Variants in MIS18A observed in about 807,000 individuals in gnomAD.
MIS18A encodes the protein MIS18 kinetochore protein A.
A neutral mutation model predicts 25.0 loss-of-function variants in MIS18A; 14 were observed. That is an observed-to-expected ratio of 0.56 (90% CI 0.37 to 0.88). The LOEUF (loss-of-function observed/expected upper bound fraction) is 0.88. Ranked by LOEUF, MIS18A falls within the 40% of genes least tolerant of loss-of-function variation. The probability of loss-of-function intolerance (pLI) is 0.00; values close to 1 mark genes in which losing one functional copy is unlikely to be tolerated. For synonymous variants in MIS18A, 134 were observed against 118.6 expected (o/e 1.13, Z -0.84); for missense variants, 292 against 290.8 (o/e 1.00, Z -0.03).
At chr21:32,161,009 G>T in the MIS18A span, among the ~76,000 whole-genome samples, 110 of 152,308 alleles carry the variant, frequency 7.2e-4, no homozygotes, top group African/African-American at 2.6e-3. Flanking sequence ...GAGCAGAGGG[G>T]TAATTTTAAA....
the MIS18A span, among the ~76,000 whole-genome samples, chr21:32,189,500 A>G: frequency 6.6e-6 from 1 of 152,124 alleles, no homozygotes. Context: ...GCTGGGCTCA[A>G]ATTCGTGGGT....
At chr21:32,260,224 T>G in the MIS18A span, 1 of 152,106 alleles carries the variant, frequency 6.6e-6, no homozygotes, top group Non-Finnish European at 1.5e-5. Flanking sequence ...CCCACAAAAC[T>G]AGAATACAAA....
chr21:32,164,301 G>T, the MIS18A span, among the ~76,000 whole-genome samples: 1 of 152,140 alleles, frequency 6.6e-6, no homozygotes, highest in South Asian at 2.1e-4. Flanking sequence ...AAAGAGAGTT[G>T]CAGAGCCAGT....
At chr21:32,215,094 C>T in the MIS18A span, among the ~76,000 whole-genome samples, 1 of 152,200 alleles carries the variant, frequency 6.6e-6, no homozygotes, top group Non-Finnish European at 1.5e-5. Flanking sequence ...TGGGCTCAGG[C>T]CACCTGGTGA....
the MIS18A span, among the ~76,000 whole-genome samples, chr21:32,168,147 G>A: frequency 6.6e-6 from 1 of 152,150 alleles, no homozygotes; most frequent in Non-Finnish European, 1.5e-5. Flanking sequence ...CAGCAAAAAA[G>A]GCAGCCATCT....
the MIS18A span, among the ~76,000 whole-genome samples, chr21:32,205,859 G>A: frequency 6.6e-6 from 1 of 152,262 alleles, no homozygotes; most frequent in East Asian, 1.9e-4. Context: ...AGGTTCAAGG[G>A]AGCAAGAAAG....
chr21:32,173,625 A>G, the MIS18A span, among the ~76,000 whole-genome samples: 39 of 152,204 alleles, frequency 2.6e-4, no homozygotes, highest in Non-Finnish European at 1.0e-4. Context: ...TGAAGTACTG[A>G]TGATGAACCT....
the MIS18A span, among the ~76,000 whole-genome samples, chr21:32,171,090 A>G: frequency 6.6e-6 from 1 of 152,112 alleles, no homozygotes; most frequent in Non-Finnish European, 1.5e-5. Context: ...AAGGATGTCC[A>G]TTCTTGCCTC....
the MIS18A span, among the ~76,000 whole-genome samples, chr21:32,240,762 A>G: frequency 1.3e-5 from 1 of 79,760 alleles, no homozygotes; most frequent in Non-Finnish European, 2.4e-5. Flanking sequence ...ACTGACGCCC[A>G]AAAGATGTGG....
At chr21:32,210,774 T>C in the MIS18A span, among the ~76,000 whole-genome samples, 7 of 152,170 alleles carry the variant, frequency 4.6e-5, no homozygotes, top group Admixed American at 1.3e-4. Flanking sequence ...TGGATGGACT[T>C]CTATTCCTAT....
the MIS18A span, among the ~76,000 whole-genome samples, chr21:32,245,491 AG>A: frequency 6.6e-6 from 1 of 152,234 alleles, no homozygotes; most frequent in Non-Finnish European, 1.5e-5. Flanking sequence ...AGAGGAATTC[AG>A]GAGAAGCACC....
chr21:32,239,076 A>G, the MIS18A span, among the ~76,000 whole-genome samples: 3 of 152,226 alleles, frequency 2.0e-5, no homozygotes, highest in African/African-American at 7.2e-5. Context: ...ATCTTAGCAA[A>G]ATATTAACAG....
the MIS18A span, among the ~76,000 whole-genome samples, chr21:32,203,568 T>G: frequency 6.7e-6 from 1 of 149,048 alleles, no homozygotes; most frequent in East Asian, 2.0e-4. Context: ...GCAATCTATA[T>G]CTAGCTAAAC....
the MIS18A span, among the ~76,000 whole-genome samples, chr21:32,196,808 G>T: frequency 7.3e-5 from 11 of 151,378 alleles, no homozygotes; most frequent in Non-Finnish European, 1.0e-4. Flanking sequence ...TTAATAGAGA[G>T]ATAGGTCGGA....
At chr21:32,239,432 A>G in the MIS18A span, among the ~76,000 whole-genome samples, 1 of 152,222 alleles carries the variant, frequency 6.6e-6, no homozygotes. Context: ...CCTAGCTGAT[A>G]CTGATAAGGT....
At chr21:32,247,188 T>C in the MIS18A span, among the ~76,000 whole-genome samples, 2 of 152,160 alleles carry the variant, frequency 1.3e-5, no homozygotes, top group African/African-American at 2.4e-5. Context: ...ATTTCATCCA[T>C]GAGAAACTGA....
chr21:32,167,610 A>T, the MIS18A span, among the ~76,000 whole-genome samples: 54 of 152,292 alleles, frequency 3.5e-4, no homozygotes, highest in Non-Finnish European at 6.8e-4. Context: ...AAAACCAAAA[A>T]CAGCATAAGA....
At chr21:32,251,754 T>C in the MIS18A span, among the ~76,000 whole-genome samples, 1 of 152,260 alleles carries the variant, frequency 6.6e-6, no homozygotes, top group South Asian at 2.1e-4. Flanking sequence ...TCCAAACTAA[T>C]GTCTTTTGCC....
the MIS18A span, among the ~76,000 whole-genome samples, chr21:32,223,885 T>G: frequency 6.6e-6 from 1 of 152,164 alleles, no homozygotes; most frequent in Non-Finnish European, 1.5e-5. Context: ...CTCAACAAAA[T>G]AATGGTCAAC....
Sources: allele counts gnomAD v4.1 joint callset (sites outside exome capture counted in the v4.1 genomes callset), GRCh38; gene constraint gnomAD v4.1.1; transcripts MANE v1.5; gene names NCBI Gene and HGNC (gene_info 2026-07-23, HGNC 2026-07-21).